The following ACOXL variants were observed in gnomAD, a reference collection of about 807,000 sequenced individuals.
ACOXL encodes the protein acyl-coenzyme A oxidase-like protein.
A neutral mutation model predicts 71.9 loss-of-function variants in ACOXL; 70 were observed. That is an observed-to-expected ratio of 0.97 (90% confidence interval 0.80 to 1.19). The LOEUF is 1.19. Among genes scored for constraint, ACOXL ranks in the 50% most tolerant of loss-of-function variants. ACOXL has a pLI of 0.00. For synonymous variants in ACOXL, 253 were observed against 281.6 expected, an observed-to-expected ratio of 0.90 and a Z score of 1.02; for missense variants, 703 against 736.3, an observed-to-expected ratio of 0.95 and a Z score of 0.52.
At chr2:111,035,049 G>T (rs1374139610) in intron 15 of ACOXL, among the ~76,000 whole-genome samples, 12 of 151,600 alleles carry the variant, frequency 7.9e-5, no homozygotes, top group Non-Finnish European at 1.3e-4. Context: ...TTGTATTTTA[G>T]TAGAGACGGG....
intron 1 of ACOXL, among the ~76,000 whole-genome samples, chr2:110,767,353 G>A (rs1573412656): frequency 1.3e-5 from 2 of 152,180 alleles, no homozygotes; most frequent in African/African-American, 4.8e-5. Context: ...GATTGGTGGG[G>A]AGAACCCTCA....
intron 11 of ACOXL, among the ~76,000 whole-genome samples, chr2:110,914,849 TATAGTAGGTGTTAC>T (rs1001141291): frequency 2.6e-5 from 4 of 152,184 alleles, no homozygotes; most frequent in African/African-American, 4.8e-5. Flanking sequence ...TTTGTGGGTA[TATAGTAGGTGTTAC>T]ATAGTAGGTG....
intron 2 of ACOXL, among the ~76,000 whole-genome samples, chr2:110,768,991 A>G (rs986071164): frequency 1.3e-5 from 2 of 151,414 alleles, no homozygotes; most frequent in African/African-American, 4.9e-5. Flanking sequence ...CGGCCCACAC[A>G]TTCACTTCTC....
chr2:110,972,016 G>A (rs2149489677), intron 12 of ACOXL, among the ~76,000 whole-genome samples: 1 of 152,320 alleles, frequency 6.6e-6, no homozygotes, highest in East Asian at 1.9e-4. Flanking sequence ...TTATGGAAAG[G>A]CTGTTTAGTG....
At chr2:110,868,789 C>T (rs1178746225) in intron 10 of ACOXL, among the ~76,000 whole-genome samples, 2 of 152,176 alleles carry the variant, frequency 1.3e-5, no homozygotes, top group Non-Finnish European at 2.9e-5. Flanking sequence ...TGGGGTTTCA[C>T]CATGTTGCCC....
intron 17 of ACOXL, among the ~76,000 whole-genome samples, chr2:111,116,223 A>G (rs2070343772): frequency 6.6e-6 from 1 of 152,206 alleles, no homozygotes; most frequent in Non-Finnish European, 1.5e-5. Flanking sequence ...TTAATTACAA[A>G]CTTTGAAATC....
At chr2:110,993,494 T>TCAATGGATATACTATATCCA (rs2063265364) in intron 13 of ACOXL, among the ~76,000 whole-genome samples, 3 of 152,222 alleles carry the variant, frequency 2.0e-5, no homozygotes, top group Non-Finnish European at 2.9e-5. Flanking sequence ...ATTGTAGTAT[T>TCAATGGATATACTATATCCA]TTACTTTATG....
At chr2:110,969,513 T>G (rs923255814) in intron 12 of ACOXL, among the ~76,000 whole-genome samples, 1 of 152,036 alleles carries the variant, frequency 6.6e-6, no homozygotes, top group Non-Finnish European at 1.5e-5. Flanking sequence ...ATGAAGTCAT[T>G]AAAAAATAAT....
chr2:110,914,528 C>A (rs1280107631), intron 11 of ACOXL, among the ~76,000 whole-genome samples: 1 of 152,136 alleles, frequency 6.6e-6, no homozygotes, highest in East Asian at 1.9e-4. Flanking sequence ...GTGTACTGAC[C>A]TGTATTATCA....
chr2:111,049,329 A>C (rs766411177), intron 16 of ACOXL, 41 bp downstream of exon 16: 6 of 1,508,300 alleles, frequency 4.0e-6, no homozygotes, highest in Non-Finnish European at 5.5e-6. Context: ...AAAGGCTCAG[A>C]GCGTTTTTAT....
intron 11 of ACOXL, among the ~76,000 whole-genome samples, chr2:110,928,012 C>A (rs981466422): frequency 1.3e-5 from 2 of 152,126 alleles, no homozygotes; most frequent in Non-Finnish European, 2.9e-5. Flanking sequence ...TGCAGTCCAC[C>A]AGCCAAAGTG....
At chr2:110,976,171 T>C (rs2062436406) in intron 12 of ACOXL, among the ~76,000 whole-genome samples, 1 of 152,152 alleles carries the variant, frequency 6.6e-6, no homozygotes, top group African/African-American at 2.4e-5. Flanking sequence ...AAACGTGGGA[T>C]TATTTACCAA....
At chr2:111,058,987 C>T (rs2066676547) in intron 16 of ACOXL, among the ~76,000 whole-genome samples, 1 of 152,188 alleles carries the variant, frequency 6.6e-6, no homozygotes, top group Non-Finnish European at 1.5e-5. Flanking sequence ...TGCCTATAAT[C>T]CCAGCACTTT....
chr2:110,933,381 T>C, intron 11 of ACOXL, 108 bp from the exon 12 acceptor site: 1 of 1,330,528 alleles, frequency 7.5e-7, no homozygotes, highest in Non-Finnish European at 1.0e-6. Flanking sequence ...ATCACTGACA[T>C]CATATTCTTT....
intron 12 of ACOXL, among the ~76,000 whole-genome samples, chr2:110,963,158 G>C (rs115647965): frequency 1.4e-4 from 22 of 152,270 alleles, no homozygotes; most frequent in Non-Finnish European, 2.4e-4. Context: ...AAGATGCAGA[G>C]TGGCAATTTA....
At chr2:110,819,281 T>C (rs1044971140) in intron 9 of ACOXL, among the ~76,000 whole-genome samples, 3 of 152,212 alleles carry the variant, frequency 2.0e-5, no homozygotes, top group East Asian at 1.9e-4. Flanking sequence ...CTGTTGGCAA[T>C]AGGGGGCTAC....
At chr2:110,977,438 A>C (rs758698607) in intron 12 of ACOXL, among the ~76,000 whole-genome samples, 1 of 152,148 alleles carries the variant, frequency 6.6e-6, no homozygotes, top group Non-Finnish European at 1.5e-5. Context: ...ATAAAATGTC[A>C]GGGAGGGAAG....
At chr2:111,000,816 T>G (rs1192609171) in intron 14 of ACOXL, among the ~76,000 whole-genome samples, 1 of 152,206 alleles carries the variant, frequency 6.6e-6, no homozygotes, top group African/African-American at 2.4e-5. Context: ...AATTACCTCA[T>G]TTTAACTTGA....
At chr2:110,979,428 T>C (rs1157146591) in intron 12 of ACOXL, among the ~76,000 whole-genome samples, 1 of 152,222 alleles carries the variant, frequency 6.6e-6, no homozygotes, top group Non-Finnish European at 1.5e-5. Context: ...AACCTTCAGC[T>C]GAATTCCTCA....
Sources: gnomAD v4.1 joint callset for allele counts (sites outside exome capture counted in the v4.1 genomes callset) on GRCh38, gnomAD v4.1.1 for gene constraint, MANE v1.5 for transcripts, NCBI Gene and HGNC (gene_info 2026-07-23, HGNC 2026-07-21) for gene names.